GLYATL1: variants seen among roughly 807,000 people sequenced by gnomAD.
The protein encoded by GLYATL1 is glycine N-acyltransferase-like protein 1.
GLYATL1 carries 15 observed loss-of-function variants against 20.0 expected under a neutral mutation model. That is an observed-to-expected ratio of 0.75 (90% confidence interval 0.50 to 1.15). The LOEUF (loss-of-function observed/expected upper bound fraction) is 1.15, where lower values mean the gene tolerates loss of function less well. Ranked by LOEUF, GLYATL1 falls within the 50% of genes most tolerant of loss-of-function variation. The pLI, the probability that GLYATL1 is intolerant of heterozygous loss-of-function variation, is 0.00. For missense variants in GLYATL1, 380 were observed against 368.5 expected (o/e 1.03, Z -0.26); for synonymous variants, 151 against 131.5 (o/e 1.15, Z -1.01).
upstream of GLYATL1, chr11:58,935,533 G>T (rs1178485754): frequency 6.6e-6 from 1 of 152,114 alleles, no homozygotes; most frequent in Admixed American, 6.5e-5. Flanking sequence ...TCTTCTGAAG[G>T]TATTTTCATG....
At chr11:58,946,009 T>A (rs1316887444) in intron 2 of GLYATL1, among the ~76,000 whole-genome samples, 1 of 152,200 alleles carries the variant, frequency 6.6e-6, no homozygotes, top group East Asian at 1.9e-4. Flanking sequence ...GGATAAAAAA[T>A]TTCAAAAATC....
At chr11:58,941,991 A>G (rs1856194681) in intron 1 of GLYATL1, among the ~76,000 whole-genome samples, 1 of 152,214 alleles carries the variant, frequency 6.6e-6, no homozygotes, top group South Asian at 2.1e-4. Context: ...AGTTTACCCT[A>G]CTTGGGGCAA....
At chr11:58,919,477 G>A (rs1188758121) in intron 1 of GLYATL1, among the ~76,000 whole-genome samples, 1 of 152,134 alleles carries the variant, frequency 6.6e-6, no homozygotes, top group Non-Finnish European at 1.5e-5. Context: ...TAATAGCCAA[G>A]TTCAGTAATG....
intron 4 of GLYATL1, among the ~76,000 whole-genome samples, chr11:58,953,852 T>G (rs949611001): frequency 6.6e-6 from 1 of 152,216 alleles, no homozygotes; most frequent in African/African-American, 2.4e-5. Flanking sequence ...ATACATTCAC[T>G]GCTAAAACGC....
intron 3 of GLYATL1, chr11:58,947,407 C>T (rs1426916274): frequency 5.4e-6 from 3 of 557,602 alleles, no homozygotes; most frequent in Non-Finnish European, 9.4e-6. Context: ...TGGCTACGAA[C>T]ATGGTTTGGA....
upstream of GLYATL1, among the ~76,000 whole-genome samples, chr11:58,923,356 G>A (rs558316087): frequency 1.0e-3 from 153 of 152,282 alleles, no homozygotes; most frequent in African/African-American, 3.6e-3. Context: ...TTCTGAATGA[G>A]CCAGATAGTC....
chr11:58,905,892 T>A (rs1212390421), intron 1 of GLYATL1, among the ~76,000 whole-genome samples: 1 of 152,196 alleles, frequency 6.6e-6, no homozygotes, highest in South Asian at 2.1e-4. Context: ...GATGAGAGGA[T>A]GAATCATTTC....
chr11:58,936,548 A>C (rs917754257), upstream of GLYATL1, among the ~76,000 whole-genome samples: 8 of 152,242 alleles, frequency 5.3e-5, no homozygotes, highest in African/African-American at 1.9e-4. Context: ...TCTTAACCAC[A>C]GTTTTGGGAC....
In GLYATL1 at chr11:58,933,069, G is replaced by A. The variant is rs370785518; in HGVS notation, c.-212+5240G>A. 3.9e-5 allele frequency among the ~76,000 whole-genome samples: 6 copies of A among 152,296 alleles called. No individual in the cohort carries two copies. The South Asian group carries it at 1.0e-3, about 26-fold the overall frequency. ...CCTGAGAAGTATTCACAGGATACTAGCTTGGGTAGTCAAATGGATAATGAC... is the reference window on the plus strand; with the variant it reads ...CCTGAGAAGTATTCACAGGATACTAACTTGGGTAGTCAAATGGATAATGAC... On this transcript the variant is annotated intron_variant, in intron 1 of 7. Transcript: ENST00000317391.
intron 4 of GLYATL1, among the ~76,000 whole-genome samples, chr11:58,949,246 A>G (rs1856799696): frequency 6.6e-6 from 1 of 152,156 alleles, no homozygotes; most frequent in African/African-American, 2.4e-5. Context: ...TGAGCCCCCA[A>G]ATAATAATAA....
chr11:58,922,622 G>A (rs1354447010), intron 1 of GLYATL1, among the ~76,000 whole-genome samples: 2 of 152,176 alleles, frequency 1.3e-5, no homozygotes, highest in Non-Finnish European at 2.9e-5. Context: ...CCTTGGTAAA[G>A]GGTGGTAGAT....
chr11:58,905,758 G>GT lies in GLYATL1; in HGVS notation n.238+97_238+98insT. The GT allele has an allele frequency of 7.3e-5, 2 of 27,562 alleles. 1 individual carries two copies. Among genetic ancestry groups the GT allele is most frequent in the Non-Finnish European group, 1.4e-4 (2 of 14,354 alleles). 1.7% of individuals were successfully genotyped at this position (27,562 alleles called of 1,614,324 possible). A position where few individuals can be genotyped will look rare whatever the true frequency, so the allele number is the denominator to read the frequency against. The stretch of plus-strand genomic sequence containing the variant: ...ACAAATAGGGAGGGTGGGCGGGTGG[G>GT]CGCGCAGTCCCCTCGGCCTGGCCGT... On this transcript the variant is annotated intron_variant and non_coding_transcript_variant, in intron 1 of 1. Coordinates refer to the GLYATL1 transcript ENST00000524629.
At chr11:58,939,297 A>G, upstream of GLYATL1, among the ~76,000 whole-genome samples, 1 of 152,124 alleles carries the variant, frequency 6.6e-6, no homozygotes, top group Non-Finnish European at 1.5e-5. Context: ...GAAAACTCAT[A>G]ATTTTAGTTG....
upstream of GLYATL1, among the ~76,000 whole-genome samples, chr11:58,939,041 A>ATT (rs150894909): frequency 5.3e-5 from 8 of 151,884 alleles, no homozygotes; most frequent in Non-Finnish European, 1.0e-4. Flanking sequence ...CCCATAGAGA[A>ATT]TTTTTTTTGT....
chr11:58,947,239 T>C, intron 3 of GLYATL1, 74 bp downstream of exon 3: 1 of 1,536,516 alleles, frequency 6.5e-7, no homozygotes, highest in East Asian at 2.4e-5. Flanking sequence ...CTTGTGATTC[T>C]AGTCCTTCCT....
intron 1 of GLYATL1, chr11:58,934,341 C>A (rs1855733764): frequency 6.6e-6 from 1 of 151,202 alleles, no homozygotes; most frequent in Non-Finnish European, 1.5e-5. Flanking sequence ...CACAGCTGGG[C>A]CCTGAGTTTG....
chr11:58,908,600 C>T, downstream of GLYATL1: 1 of 165,336 alleles, frequency 6.0e-6, no homozygotes. Flanking sequence ...AACCGTGGTG[C>T]CAATTCAGAT....
chr11:58,948,227 G>A (rs1019080286), intron 4 of GLYATL1, among the ~76,000 whole-genome samples: 3 of 152,182 alleles, frequency 2.0e-5, no homozygotes, highest in African/African-American at 4.8e-5. Context: ...GGCCCTATGA[G>A]GTGGCAGGGG....
chr11:58,930,644 T>G (rs944099394), intron 1 of GLYATL1, among the ~76,000 whole-genome samples: 2 of 152,186 alleles, frequency 1.3e-5, no homozygotes, highest in African/African-American at 4.8e-5. Flanking sequence ...TAGAAAAATA[T>G]TATTTACCTA....
Sources: gnomAD v4.1 joint callset for allele counts (sites outside exome capture counted in the v4.1 genomes callset) on GRCh38, gnomAD v4.1.1 for gene constraint, MANE v1.5 for transcripts, NCBI Gene and HGNC (gene_info 2026-07-23, HGNC 2026-07-21) for gene names.